TAFA2: variants seen among roughly 807,000 people sequenced by gnomAD.
TAFA2 encodes TAFA chemokine like family member 2, also known as chemokine-like protein TAFA-2.
In TAFA2, 7 loss-of-function variants were observed where a neutral mutation model predicts 18.8. The observed-to-expected ratio is 0.37, with a 90% CI of 0.21 to 0.70. TAFA2 has a LOEUF of 0.70. TAFA2 is among the 30% of genes least tolerant of loss of function. The pLI, the probability that TAFA2 is intolerant of heterozygous loss-of-function variation, is 0.53. For missense variants in TAFA2, 122 were observed against 158.1 expected (o/e 0.77, Z 1.23); for synonymous variants, 60 against 54.2 (o/e 1.11, Z -0.47).
At chr12:61,879,569 T>A in intron 1 of TAFA2, 1 of 744,994 alleles carries the variant, frequency 1.3e-6, no homozygotes, top group Non-Finnish European at 2.4e-6. Context: ...GACCCCAACA[T>A]CCAGGCCAGG....
rs563099547 is a variant in TAFA2 at position 62,097,661 on chromosome 12, TAGAA to T, written c.-2+93594_-2+93597del. Among the ~76,000 whole-genome samples, 24 of 152,282 alleles carry T rather than the reference TAGAA, an allele frequency of 1.6e-4. No individual in the cohort carries two copies. In the East Asian group the frequency reaches 3.5e-3, roughly 22 times the overall value. On this transcript the variant is annotated intron_variant, in intron 1 of 4. Transcript: ENST00000416284. ...CTAAGAAGAAGGCAAGAGTGGAAGT[TAGAA>T]AGTCAATTACAGGGACATTGCAGTA... is the stretch of plus-strand genomic sequence containing the variant.
At chr12:62,036,230 G>A (rs934586936) in intron 1 of TAFA2, among the ~76,000 whole-genome samples, 15 of 152,116 alleles carry the variant, frequency 9.9e-5, no homozygotes, top group Non-Finnish European at 1.6e-4. Flanking sequence ...CTACTATACA[G>A]CCTTATAGGT....
chr12:62,097,798 C>T (rs1052670266), intron 1 of TAFA2, among the ~76,000 whole-genome samples: 1 of 152,114 alleles, frequency 6.6e-6, no homozygotes, highest in Non-Finnish European at 1.5e-5. Flanking sequence ...GCACTGGTAT[C>T]CCTCAGTAGT....
intron 2 of TAFA2, among the ~76,000 whole-genome samples, chr12:61,795,768 A>T (rs1871162829): frequency 6.6e-6 from 1 of 151,912 alleles, no homozygotes. Flanking sequence ...AATGCAAAAA[A>T]ATAAATAAAT....
chr12:61,889,905 A>G (rs960522347), intron 1 of TAFA2, among the ~76,000 whole-genome samples: 3 of 152,218 alleles, frequency 2.0e-5, no homozygotes, highest in Non-Finnish European at 4.4e-5. Context: ...GACTTTTTCT[A>G]TTACCAAATG....
chr12:62,233,064 CTCTT>C (rs2062819369), intron 1 of TAFA2, among the ~76,000 whole-genome samples: 12 of 78,380 alleles, frequency 1.5e-4, no homozygotes, highest in African/African-American at 6.1e-4. Flanking sequence ...ATTTCTGCAT[CTCTT>C]TTTTTTTTTT....
intron 1 of TAFA2, among the ~76,000 whole-genome samples, chr12:62,028,756 A>C (rs990492472): frequency 4.6e-5 from 7 of 152,176 alleles, no homozygotes; most frequent in African/African-American, 1.4e-4. Context: ...GTGAGGTAGA[A>C]GCCAGGAATA....
At chr12:61,866,290 C>T (rs1874352212) in intron 2 of TAFA2, among the ~76,000 whole-genome samples, 1 of 152,100 alleles carries the variant, frequency 6.6e-6, no homozygotes, top group Non-Finnish European at 1.5e-5. Flanking sequence ...GTGTCAGTCC[C>T]ACACACCATG....
intron 2 of TAFA2, among the ~76,000 whole-genome samples, chr12:61,846,140 T>C (rs952924164): frequency 6.6e-6 from 1 of 152,174 alleles, no homozygotes; most frequent in Admixed American, 6.5e-5. Flanking sequence ...AAAGTTGATC[T>C]TGAAAAAATA....
intron 1 of TAFA2, among the ~76,000 whole-genome samples, chr12:61,931,708 AT>A (rs1877561664): frequency 6.6e-6 from 1 of 152,202 alleles, no homozygotes; most frequent in South Asian, 2.1e-4. Context: ...GGTCATTGCC[AT>A]TTTGTAATGT....
At chr12:62,154,609 T>C (rs897096744) in intron 1 of TAFA2, among the ~76,000 whole-genome samples, 1 of 152,192 alleles carries the variant, frequency 6.6e-6, no homozygotes, top group Non-Finnish European at 1.5e-5. Context: ...TTGTTAACCA[T>C]AAAGTTAAGG....
intron 1 of TAFA2, among the ~76,000 whole-genome samples, chr12:61,883,584 G>A (rs967814094): frequency 1.1e-4 from 16 of 152,156 alleles, no homozygotes; most frequent in Admixed American, 8.5e-4. Context: ...AGATTTGTGA[G>A]CTCATGCAAG....
At chr12:61,841,040 G>A (rs1183943785) in intron 2 of TAFA2, among the ~76,000 whole-genome samples, 1 of 151,952 alleles carries the variant, frequency 6.6e-6, no homozygotes, top group Non-Finnish European at 1.5e-5. Context: ...ACTACACACA[G>A]GACACTATGT....
chr12:62,183,181 G>C (rs781603631), intron 1 of TAFA2, among the ~76,000 whole-genome samples: 1 of 152,168 alleles, frequency 6.6e-6, no homozygotes, highest in South Asian at 2.1e-4. Context: ...CTTATAAGAA[G>C]AGACATGAGA....
intron 1 of TAFA2, among the ~76,000 whole-genome samples, chr12:62,005,263 A>T (rs897540456): frequency 6.6e-6 from 1 of 152,080 alleles, no homozygotes; most frequent in African/African-American, 2.4e-5. Context: ...TTTACTATGT[A>T]TGTGTATATC....
intron 2 of TAFA2, among the ~76,000 whole-genome samples, chr12:61,759,037 T>C (rs1869411702): frequency 1.3e-5 from 2 of 151,948 alleles, no homozygotes; most frequent in South Asian, 4.2e-4. Flanking sequence ...TCCCCTGATC[T>C]CTCCTCTGAG....
intron 2 of TAFA2, among the ~76,000 whole-genome samples, chr12:61,843,713 G>A (rs933435591): frequency 8.5e-5 from 13 of 152,130 alleles, no homozygotes; most frequent in Non-Finnish European, 1.5e-5. Context: ...TTTGGAAGTA[G>A]ATTCATATAT....
chr12:61,842,367 A>C (rs146084684), intron 2 of TAFA2, among the ~76,000 whole-genome samples: 221 of 152,064 alleles, frequency 1.5e-3, no homozygotes, highest in African/African-American at 5.0e-3. Flanking sequence ...TCAGATCAGC[A>C]TGTTTTTTTA....
chr12:61,896,867 T>C (rs1875868055), intron 1 of TAFA2, among the ~76,000 whole-genome samples: 1 of 152,124 alleles, frequency 6.6e-6, no homozygotes, highest in South Asian at 2.1e-4. Context: ...TTCCTTTCTT[T>C]TGCCTGCCAT....
Sources: allele counts gnomAD v4.1 joint callset (sites outside exome capture counted in the v4.1 genomes callset), GRCh38; gene constraint gnomAD v4.1.1; transcripts MANE v1.5; gene names NCBI Gene and HGNC (gene_info 2026-07-23, HGNC 2026-07-21).